Variants in HERC5 observed in about 807,000 individuals in gnomAD.
HERC5 encodes the protein E3 ISG15--protein ligase HERC5.
In HERC5, 99 loss-of-function variants were observed where a neutral mutation model predicts 119.6. That is an observed-to-expected ratio of 0.83 (90% confidence interval 0.70 to 0.98). HERC5 has a LOEUF of 0.98. Among genes scored for constraint, HERC5 ranks in the 50% least tolerant of loss-of-function variants. The pLI is 0.00. For synonymous variants in HERC5, 478 were observed against 445.9 expected, an observed-to-expected ratio of 1.07 and a Z score of -0.91; for missense variants, 1,267 against 1,241.3, an observed-to-expected ratio of 1.02 and a Z score of -0.31.
intron 7 of HERC5, 148 bp downstream of exon 7, chr4:88,467,352 C>A: frequency 2.7e-6 from 2 of 729,044 alleles, no homozygotes; most frequent in Non-Finnish European, 4.4e-6. Context: ...GTAAACAATT[C>A]AAGAGTCAGT....
At chr4:88,479,546 C>T in intron 13 of HERC5, 39 bp downstream of exon 13, 1 of 1,486,996 alleles carries the variant, frequency 6.7e-7, no homozygotes, top group Non-Finnish European at 9.0e-7. Flanking sequence ...TTTTATCTAG[C>T]TGTAAAAATT....
intron 1 of HERC5, chr4:88,457,891 T>A: frequency 9.5e-7 from 1 of 1,048,658 alleles, no homozygotes; most frequent in Non-Finnish European, 1.1e-6. Flanking sequence ...CTGTCTCGTT[T>A]TGAGAAAGTA....
intron 12 of HERC5, 70 bp downstream of exon 12, chr4:88,476,100 C>A: frequency 2.5e-6 from 3 of 1,210,350 alleles, no homozygotes; most frequent in South Asian, 1.4e-5. Context: ...AAAGTTATGG[C>A]AAAACTAAGA....
chr4:88,470,539 C>T (rs1740832871), intron 9 of HERC5, 75 bp from the exon 10 acceptor site: 2 of 760,064 alleles, frequency 2.6e-6, no homozygotes, highest in African/African-American at 1.8e-5. Context: ...TATCATGTCT[C>T]ATGCTGTAAA....
chr4:88,504,447 A>G, intron 21 of HERC5, 32 bp downstream of exon 21: 1 of 1,568,106 alleles, frequency 6.4e-7, no homozygotes, highest in South Asian at 1.2e-5. Context: ...GATTAAATTC[A>G]GTTTTCCTTC....
At chr4:88,479,005 A>T (rs866390006) in intron 12 of HERC5, among the ~76,000 whole-genome samples, 10 of 151,838 alleles carry the variant, frequency 6.6e-5, no homozygotes, top group Admixed American at 1.3e-4. Flanking sequence ...ATACCCAATA[A>T]GCTGGTGAGG....
intron 13 of HERC5, among the ~76,000 whole-genome samples, 173 bp downstream of exon 13, chr4:88,479,680 ACCT>A (rs1228019851): frequency 6.6e-6 from 1 of 152,002 alleles, no homozygotes; most frequent in African/African-American, 2.4e-5. Context: ...TATATATAAT[ACCT>A]ATTTAGAATT....
intron 16 of HERC5, among the ~76,000 whole-genome samples, chr4:88,491,701 G>A (rs771212662): frequency 3.9e-5 from 6 of 152,096 alleles, no homozygotes; most frequent in South Asian, 4.1e-4. Flanking sequence ...GGAAGTTGGC[G>A]TATATCTCTG....
chr4:88,506,104 A>C lies in HERC5; in HGVS notation c.*226A>C, dbSNP rs941769644. The C allele has an allele frequency of 4.2e-6, 2 of 475,590 alleles. No individual in the cohort carries two copies. The highest frequency in any genetic ancestry group is 4.0e-5 in the African/African-American group (2 of 50,320). 29.5% of individuals were successfully genotyped at this position (475,590 alleles called of 1,614,324 possible). A position where few individuals can be genotyped will look rare whatever the true frequency, so the allele number is the denominator to read the frequency against. On this transcript the variant is annotated 3_prime_UTR_variant, in exon 23 of 23. Transcript: ENST00000264350. Reference sequence around the variant, plus strand: ...CTCCCTTGGATACCCCTATGCCTACATCATATTCCTTACCTCTTTTGGGAA... The same window carrying C: ...CTCCCTTGGATACCCCTATGCCTACCTCATATTCCTTACCTCTTTTGGGAA...
At position 88,470,646 on chromosome 4, in the gene HERC5, G is replaced by T. The variant is rs1740837712; in HGVS notation, c.1271G>T (p.Cys424Phe). Residue 424 changes from cysteine (C) to phenylalanine (F), a missense_variant, in exon 10 of 23, where the codon TGT (cysteine) becomes TTT (phenylalanine). Cys to Phe is a radical substitution (Grantham distance 205, BLOSUM62 -2). Transcript: ENST00000264350. ...CAAGAGATATTTTCATCTCCTGCTT[G>T]TCTAACTGGAAGTTTTTTAAGGAAA... is the stretch of plus-strand genomic sequence containing the variant. ...EIQEIFSSPACLTGSFLRKRR... is the reference protein window; with the variant it reads ...EIQEIFSSPAFLTGSFLRKRR... 1 of 1,511,162 alleles carries T rather than the reference G, an allele frequency of 6.6e-7. No homozygotes were observed. The highest frequency in any genetic ancestry group is 9.2e-7 in the Non-Finnish European group (1 of 1,092,350). The allele number at this position is 1,511,162 out of a possible 1,614,324, so 93.6% of individuals were successfully genotyped here. A position where few individuals can be genotyped will look rare whatever the true frequency, so the allele number is the denominator to read the frequency against.
intron 4 of HERC5, 142 bp from the exon 5 acceptor site, chr4:88,463,390 T>C: frequency 1.7e-6 from 1 of 595,154 alleles, no homozygotes; most frequent in Non-Finnish European, 3.0e-6. Context: ...AACTTGATCC[T>C]AAACATGGCA....
intron 14 of HERC5, 61 bp from the exon 15 acceptor site, chr4:88,487,008 G>A: frequency 8.7e-7 from 1 of 1,155,134 alleles, no homozygotes; most frequent in Non-Finnish European, 1.3e-6. Flanking sequence ...AGGCTATGAG[G>A]TAAAGTGTAA....
chr4:88,469,270 A>G lies in HERC5; in HGVS notation c.1238+10A>G, dbSNP rs1280028362. 3 of 1,556,056 alleles carry G rather than the reference A, an allele frequency of 1.9e-6. No individual in the cohort carries two copies. The highest frequency in any genetic ancestry group is 3.3e-5 in the Admixed American group (2 of 59,874). On this transcript the variant is annotated intron_variant, in intron 9 of 22. Coordinates refer to ENST00000264350, the MANE Select transcript of HERC5 (RefSeq NM_016323.4). ...GGCAGAGCACAAAAAGGTACACCCC[A>G]CAGTCTGACTCTCTGCTTATATATC...
intron 1 of HERC5, chr4:88,457,782 G>A: frequency 1.5e-6 from 1 of 657,596 alleles, no homozygotes; most frequent in Non-Finnish European, 2.1e-6. Context: ...GGCCGGTGCG[G>A]GGCATGCGGG....
chr4:88,503,532 C>T (rs764036732), intron 20 of HERC5, among the ~76,000 whole-genome samples: 11 of 152,076 alleles, frequency 7.2e-5, no homozygotes, highest in South Asian at 2.1e-4. Flanking sequence ...CTTTAAGTTT[C>T]GTTATTACTA....
intron 6 of HERC5, among the ~76,000 whole-genome samples, chr4:88,464,744 A>G (rs1173203264): frequency 6.6e-6 from 1 of 151,812 alleles, no homozygotes; most frequent in Admixed American, 6.5e-5. Flanking sequence ...GTGCACTGCC[A>G]CAACTGGCTA....
At chr4:88,476,065 TTCTC>T in intron 12 of HERC5, 35 bp downstream of exon 12, 1 of 1,535,928 alleles carries the variant, frequency 6.5e-7, no homozygotes, top group Non-Finnish European at 8.9e-7. Flanking sequence ...TTTACCTGTC[TTCTC>T]AGTGGAAAGA....
chr4:88,483,285 TG>T (rs1237043017), intron 13 of HERC5, among the ~76,000 whole-genome samples: 2 of 152,026 alleles, frequency 1.3e-5, no homozygotes, highest in African/African-American at 4.8e-5. Context: ...CATGGCTCAC[TG>T]CAGCCTTGAA....
intron 13 of HERC5, among the ~76,000 whole-genome samples, chr4:88,480,085 A>AG (rs1741230550): frequency 2.1e-5 from 3 of 143,802 alleles, no homozygotes; most frequent in Admixed American, 2.1e-4. Flanking sequence ...AAAAAAAAAA[A>AG]GAAATAACCT....
Sources: gnomAD v4.1 joint callset for allele counts (sites outside exome capture counted in the v4.1 genomes callset) on GRCh38, gnomAD v4.1.1 for gene constraint, MANE v1.5 for transcripts, NCBI Gene and HGNC (gene_info 2026-07-23, HGNC 2026-07-21) for gene names.